Variants in NDUFAF2 observed in about 807,000 individuals in gnomAD.
NDUFAF2 encodes NADH dehydrogenase [ubiquinone] 1 alpha subcomplex assembly factor 2.
NDUFAF2 carries 13 observed loss-of-function variants against 22.8 expected under a neutral mutation model. That is an observed-to-expected ratio of 0.57 (90% CI 0.37 to 0.91). The LOEUF is 0.91. NDUFAF2 is among the 40% of genes least tolerant of loss of function. NDUFAF2 has a pLI of 0.01. For missense variants in NDUFAF2, 162 were observed against 195.2 expected, an observed-to-expected ratio of 0.83 and a Z score of 1.01; for synonymous variants, 53 against 64.2, an observed-to-expected ratio of 0.83 and a Z score of 0.84.
intron 1 of NDUFAF2, among the ~76,000 whole-genome samples, chr5:61,026,987 A>T (rs1751658058): frequency 6.6e-6 from 1 of 151,802 alleles, no homozygotes; most frequent in Non-Finnish European, 1.5e-5. Context: ...GGATGCCCTC[A>T]GATAGCTTTA....
At chr5:61,001,613 CT>C (rs1372887861) in intron 1 of NDUFAF2, among the ~76,000 whole-genome samples, 9 of 151,998 alleles carry the variant, frequency 5.9e-5, no homozygotes, top group Non-Finnish European at 1.0e-4. Context: ...TATTTTATGA[CT>C]TTAGATATTT....
intron 1 of NDUFAF2, among the ~76,000 whole-genome samples, chr5:61,007,655 G>A (rs1293792564): frequency 6.6e-6 from 1 of 152,166 alleles, no homozygotes; most frequent in East Asian, 1.9e-4. Flanking sequence ...GGAAACAACA[G>A]GTGCTGGAGA....
chr5:61,015,208 C>A (rs968304020), intron 1 of NDUFAF2, among the ~76,000 whole-genome samples: 1 of 152,138 alleles, frequency 6.6e-6, no homozygotes, highest in Admixed American at 6.6e-5. Context: ...GTGACTAAAA[C>A]AATATATACT....
At chr5:61,019,464 ACT>A (rs369757709) in intron 1 of NDUFAF2, among the ~76,000 whole-genome samples, 3 of 151,770 alleles carry the variant, frequency 2.0e-5, no homozygotes, top group African/African-American at 4.8e-5. Context: ...CTAAACTACA[ACT>A]CTTTTTCTTT....
At chr5:61,149,992 C>A (rs926760930) in intron 3 of NDUFAF2, among the ~76,000 whole-genome samples, 1 of 152,128 alleles carries the variant, frequency 6.6e-6, no homozygotes, top group African/African-American at 2.4e-5. Context: ...TGCCGTGGTA[C>A]AATCTCAGCT....
At chr5:61,096,116 A>C (rs1388831833) in intron 2 of NDUFAF2, among the ~76,000 whole-genome samples, 1 of 150,044 alleles carries the variant, frequency 6.7e-6, no homozygotes, top group African/African-American at 2.4e-5. Context: ...TTTCTAATAA[A>C]GATCAAAATC....
chr5:61,015,253 T>C (rs1017791381), intron 1 of NDUFAF2, among the ~76,000 whole-genome samples: 11 of 152,198 alleles, frequency 7.2e-5, no homozygotes, highest in Admixed American at 5.9e-4. Context: ...CTTAAAAATG[T>C]TACTAAATAT....
intron 1 of NDUFAF2, among the ~76,000 whole-genome samples, chr5:60,992,401 A>G (rs1751172428): frequency 6.6e-6 from 1 of 152,086 alleles, no homozygotes; most frequent in African/African-American, 2.4e-5. Context: ...GAGTTTCCCT[A>G]CTGTTTTCTT....
chr5:60,979,801 C>T (rs1317524224), intron 1 of NDUFAF2, among the ~76,000 whole-genome samples: 1 of 152,108 alleles, frequency 6.6e-6, no homozygotes, highest in Non-Finnish European at 1.5e-5. Flanking sequence ...ATTGTAGAGC[C>T]CTTGGACTTG....
chr5:61,054,372 T>A (rs757269691), intron 1 of NDUFAF2, among the ~76,000 whole-genome samples: 9 of 152,166 alleles, frequency 5.9e-5, no homozygotes, highest in Non-Finnish European at 1.0e-4. Flanking sequence ...GAAATGCAGT[T>A]CAGGCCTGGG....
intron 1 of NDUFAF2, among the ~76,000 whole-genome samples, chr5:60,990,056 G>T (rs993239677): frequency 6.6e-6 from 1 of 152,160 alleles, no homozygotes; most frequent in Non-Finnish European, 1.5e-5. Flanking sequence ...GGCACAGAAA[G>T]ACAAACTTCA....
chr5:61,131,919 G>A (rs1374784857), intron 3 of NDUFAF2, among the ~76,000 whole-genome samples: 1 of 151,982 alleles, frequency 6.6e-6, no homozygotes, highest in Non-Finnish European at 1.5e-5. Flanking sequence ...TTTTCAAGAT[G>A]TATTACTTTT....
intron 2 of NDUFAF2, among the ~76,000 whole-genome samples, chr5:61,081,989 C>A (rs879894333): frequency 3.9e-5 from 6 of 152,198 alleles, no homozygotes; most frequent in Non-Finnish European, 8.8e-5. Context: ...ATGGATGTTA[C>A]AAATGTTTTT....
In NDUFAF2 at chr5:61,095,915, T is replaced by A. The variant is rs566027464; in HGVS notation, c.218-3077T>A. On this transcript the variant is annotated intron_variant, in intron 2 of 3. Transcript: ENST00000296597. ...AATGCGAGTACCTGGATGTTTCAGT[T>A]GAAGGGGCTATATTTACTCGCCCCT... Among the ~76,000 whole-genome samples, 9 of 152,240 alleles carry A rather than the reference T, an allele frequency of 5.9e-5. No individual in the cohort carries two copies. In the South Asian group the frequency reaches 1.9e-3, roughly 32 times the overall value.
At chr5:61,057,727 A>G (rs1257544139) in intron 1 of NDUFAF2, among the ~76,000 whole-genome samples, 1 of 152,158 alleles carries the variant, frequency 6.6e-6, no homozygotes, top group East Asian at 1.9e-4. Flanking sequence ...AATTATTGGC[A>G]TCCGAGACTT....
intron 1 of NDUFAF2, among the ~76,000 whole-genome samples, chr5:60,990,340 C>G (rs989028688): frequency 1.3e-5 from 2 of 151,964 alleles, no homozygotes; most frequent in African/African-American, 4.8e-5. Context: ...TGATGGATAT[C>G]CTATTTATTG....
At chr5:60,989,624 T>C (rs542537625) in intron 1 of NDUFAF2, among the ~76,000 whole-genome samples, 1 of 152,302 alleles carries the variant, frequency 6.6e-6, no homozygotes, top group African/African-American at 2.4e-5. Flanking sequence ...AGACCATTAT[T>C]CTTAGCAAAC....
intron 1 of NDUFAF2, among the ~76,000 whole-genome samples, chr5:60,968,876 T>C (rs527729425): frequency 1.3e-5 from 2 of 152,156 alleles, no homozygotes; most frequent in Non-Finnish European, 2.9e-5. Flanking sequence ...CTCCCTAGCC[T>C]CTGGTAACCA....
intron 3 of NDUFAF2, among the ~76,000 whole-genome samples, chr5:61,110,440 G>T (rs1282037306): frequency 3.3e-5 from 5 of 152,076 alleles, no homozygotes; most frequent in Non-Finnish European, 7.4e-5. Flanking sequence ...AAGTTCAGCA[G>T]GGAAGCCATT....
Sources: gnomAD v4.1 joint callset for allele counts (sites outside exome capture counted in the v4.1 genomes callset) on GRCh38, gnomAD v4.1.1 for gene constraint, MANE v1.5 for transcripts, NCBI Gene and HGNC (gene_info 2026-07-23, HGNC 2026-07-21) for gene names.